TAB3: variants seen among roughly 807,000 people sequenced by gnomAD.
TAB3 encodes TGF-beta activated kinase 1 (MAP3K7) binding protein 3.
A neutral mutation model predicts 48.1 loss-of-function variants in TAB3; 18 were observed. That is an observed-to-expected ratio of 0.37 (90% confidence interval 0.26 to 0.55). The LOEUF is 0.55. TAB3 is among the 20% of genes least tolerant of loss of function. The probability of loss-of-function intolerance (pLI) is 0.78; values close to 1 mark genes in which losing one functional copy is unlikely to be tolerated. For missense variants in TAB3, 414 were observed against 549.8 expected (o/e 0.75, Z 2.47); for synonymous variants, 185 against 190.2 (o/e 0.97, Z 0.22).
chrX:30,845,895 G>C, intron 8 of TAB3: 1 of 801,440 alleles, frequency 1.2e-6, no homozygotes, highest in Non-Finnish European at 1.6e-6. Flanking sequence ...TTGGTAAGCA[G>C]ACAATTCAAC....
intron 1 of TAB3, among the ~76,000 whole-genome samples, chrX:30,884,430 C>T (rs1296976140): frequency 9.0e-6 from 1 of 110,939 alleles, no homozygotes; most frequent in Non-Finnish European, 1.9e-5. Context: ...AATTTGCCCA[C>T]GAACACAGAG....
Position 30,852,832 on chromosome X carries a change from A to G in TAB3, c.1656T>C (p.His552=), listed in dbSNP as rs1378056196. ...TTCTGAGCCGTCTCTGCATCAGGTC[A>G]TGCTCCATACCATTAACTTCAGACT... is the stretch of plus-strand genomic sequence containing the variant. ...RLKSEVNGME[H]DLMQRRLRRV... is the part of the protein sequence containing the mutation. The change falls in exon 7 of 11, where the codon CAT becomes CAC. Residue 552 remains histidine, a synonymous_variant. Transcript: ENST00000288422. The G allele has an allele frequency of 4.1e-6, 5 of 1,209,674 alleles. No individual in the cohort carries two copies. In the African/African-American group the frequency reaches 7.0e-5, roughly 17 times the overall value.
Position 30,854,491 on chromosome X carries a change from A to G in TAB3, c.1174T>C (p.Ser392Pro). 1.7e-6 allele frequency: 2 copies of G among 1,211,083 alleles called. No individual in the cohort carries two copies. The highest frequency in any genetic ancestry group is 5.9e-5 in the East Asian group (2 of 33,834). ...RSPSPISNQP[S>P]PRNQHSLYTA... ...TACAGTGAGTGTTGATTCCGTGGAG[A>G]TGGTTGATTACTGATGGGTGAAGGA... The change falls in exon 6 of 11, where the codon TCT (serine) becomes CCT (proline). Residue 392 changes from serine (S) to proline (P), a missense_variant. Physicochemically the swap from Ser to Pro is moderately conservative, Grantham distance 74. Coordinates refer to ENST00000288422, the MANE Select transcript of TAB3 (RefSeq NM_152787.5).
chrX:30,861,507 C>T (rs758249491), intron 4 of TAB3, among the ~76,000 whole-genome samples: 1 of 111,583 alleles, frequency 9.0e-6, no homozygotes, highest in African/African-American at 3.3e-5. Flanking sequence ...AACTCCAAAT[C>T]TGAAATACTA....
At chrX:30,865,611 C>T (rs1939381429) in intron 4 of TAB3, among the ~76,000 whole-genome samples, 1 of 111,649 alleles carries the variant, frequency 9.0e-6, no homozygotes, top group African/African-American at 3.3e-5. Context: ...CCACGTTTTA[C>T]AAATAAGGAA....
intron 4 of TAB3, among the ~76,000 whole-genome samples, chrX:30,866,833 C>G (rs957825532): frequency 3.1e-5 from 3 of 96,138 alleles, no homozygotes; most frequent in African/African-American, 1.2e-4. Context: ...CACATGGTGA[C>G]TGCTTTCCAA....
At chrX:30,844,121 T>C (rs1198273108) in intron 8 of TAB3, 1 of 111,047 alleles carries the variant, frequency 9.0e-6, no homozygotes, top group African/African-American at 3.3e-5. Context: ...TTTAGATTCC[T>C]TCCCTAGCTT....
rs1199629518 is a variant in TAB3, at chrX:30,854,764, G to T, written c.901C>A (p.Pro301Thr). The T allele has an allele frequency of 2.5e-6, 3 of 1,211,391 alleles. No individual in the cohort carries two copies. The Admixed American group carries it at 6.5e-5, about 26-fold the overall frequency. ...AYHSPPPSQC[P>T]SPFSSPQHQV... ...TGCTGTGGAGAGCTGAAGGGTGAAG[G>T]ACATTGAGAAGGAGGTGGTGAATGG... Residue 301 changes from proline (P) to threonine (T), a missense_variant, in exon 6 of 11, where the codon CCT becomes ACT. Physicochemically the swap from Pro to Thr is conservative, Grantham distance 38. Coordinates refer to ENST00000288422, the MANE Select transcript of TAB3 (RefSeq NM_152787.5).
chrX:30,870,692 G>A (rs1216418303), intron 2 of TAB3, among the ~76,000 whole-genome samples: 1 of 112,500 alleles, frequency 8.9e-6, no homozygotes, highest in East Asian at 2.8e-4. Flanking sequence ...CCAACCAGGG[G>A]TGACTTTTCC....
chrX:30,861,584 GTTAAT>G (rs938040019), intron 4 of TAB3, among the ~76,000 whole-genome samples: 45 of 111,990 alleles, frequency 4.0e-4, no homozygotes, highest in African/African-American at 1.2e-3. Context: ...AGTCCTTAGT[GTTAAT>G]TTAACTTTTT....
In TAB3 at chrX:30,854,998, G is replaced by A. The variant is rs184679657; in HGVS notation, c.667C>T (p.Leu223Phe). 2.4e-5 allele frequency: 29 copies of A among 1,209,161 alleles called. No individual in the cohort carries two copies. The East Asian group carries it at 8.3e-4, about 35-fold the overall frequency. ...LQILPQIPSN[L>F]YGSPGSIYIR... ...TAAATAGAACCAGGAGACCCATAGA[G>A]ATTGCTTGGAATTTGTGGAAGAATT... Residue 223 changes from leucine (L) to phenylalanine (F), a missense_variant, in exon 6 of 11, where the codon CTC becomes TTC. Physicochemically the swap from Leu to Phe is conservative, Grantham distance 22. Coordinates refer to ENST00000288422, the MANE Select transcript of TAB3 (RefSeq NM_152787.5).
intron 4 of TAB3, among the ~76,000 whole-genome samples, chrX:30,859,881 C>T (rs774841065): frequency 1.8e-4 from 19 of 108,024 alleles, no homozygotes; most frequent in Non-Finnish European, 3.3e-4. Context: ...ACACTAAACA[C>T]GCTATACTGA....
chrX:30,835,001 C>T (rs1220892464), intron 9 of TAB3: 1 of 121,095 alleles, frequency 8.3e-6, no homozygotes, highest in African/African-American at 3.3e-5. Flanking sequence ...CTGACAACCA[C>T]GTGCTCCCAA....
At chrX:30,857,574 G>A (rs1230734649) in intron 5 of TAB3, among the ~76,000 whole-genome samples, 1 of 110,990 alleles carries the variant, frequency 9.0e-6, no homozygotes, top group Non-Finnish European at 1.9e-5. Flanking sequence ...TCTACACTGA[G>A]TTAGCCTACT....
intron 1 of TAB3, among the ~76,000 whole-genome samples, chrX:30,874,885 C>G (rs1939778296): frequency 8.9e-6 from 1 of 111,965 alleles, no homozygotes; most frequent in Admixed American, 9.5e-5. Flanking sequence ...AGACGCATCT[C>G]TTTTAGAACT....
rs1477703399 is a variant in TAB3, at chrX:30,828,315, AAG to A, written c.*3110_*3111del. Reference sequence around the variant, plus strand: ...ACATTGATTTATTTGCATAATTAAAAAGTACTAAAATTGAGACCAGCTCCTTA... The same window carrying A: ...ACATTGATTTATTTGCATAATTAAAATACTAAAATTGAGACCAGCTCCTTA... On this transcript the variant is annotated 3_prime_UTR_variant, in exon 11 of 11. Transcript: ENST00000288422. 8.8e-6 allele frequency: 1 copy of A among 114,078 alleles called. No individual in the cohort carries two copies. The highest frequency in any genetic ancestry group is 2.8e-4 in the East Asian group (1 of 3,610). 9.4% of individuals were successfully genotyped at this position (114,078 alleles called of 1,213,427 possible). A position where few individuals can be genotyped will look rare whatever the true frequency, so the allele number is the denominator to read the frequency against.
rs767514270 is a variant in TAB3, at chrX:30,875,080, A to G, written c.-382-3279T>C. 1.6e-4 allele frequency among the ~76,000 whole-genome samples: 18 copies of G among 111,763 alleles called. No homozygotes were observed. In the East Asian group the frequency reaches 4.8e-3, roughly 30 times the overall value. Reference sequence around the variant, plus strand: ...TGAGATATGAAGGAGTAATCTCCCAATTGTCTCAATCTTCAGGACATGAGT... The same window carrying G: ...TGAGATATGAAGGAGTAATCTCCCAGTTGTCTCAATCTTCAGGACATGAGT... On this transcript the variant is annotated intron_variant, in intron 1 of 10. Coordinates refer to ENST00000288422, the MANE Select transcript of TAB3 (RefSeq NM_152787.5).
intron 7 of TAB3, among the ~76,000 whole-genome samples, chrX:30,847,490 T>A (rs907597903): frequency 1.7e-4 from 18 of 107,224 alleles, no homozygotes; most frequent in African/African-American, 4.4e-4. Context: ...TTCTTTATTT[T>A]TATATATATG....
intron 8 of TAB3, chrX:30,844,372 A>T (rs1938556003): frequency 8.9e-6 from 1 of 112,235 alleles, no homozygotes; most frequent in African/African-American, 3.2e-5. Context: ...TGCTGTTTTA[A>T]GATAATTTTC....
Sources: allele counts gnomAD v4.1 joint callset (sites outside exome capture counted in the v4.1 genomes callset), GRCh38; gene constraint gnomAD v4.1.1; transcripts MANE v1.5; gene names NCBI Gene and HGNC (gene_info 2026-07-23, HGNC 2026-07-21).